The following DGCR2 variants were observed in gnomAD, a reference collection of about 807,000 sequenced individuals.
DGCR2 encodes DiGeorge syndrome critical region gene 2, also known as integral membrane protein DGCR2/IDD.
DGCR2 carries 24 observed loss-of-function variants against 51.6 expected under a neutral mutation model. That is an observed-to-expected ratio of 0.47 (90% CI 0.34 to 0.65). DGCR2 has a LOEUF of 0.65. Ranked by LOEUF, DGCR2 falls within the 30% of genes least tolerant of loss-of-function variation. DGCR2 has a pLI of 0.01. For missense variants in DGCR2, 765 were observed against 772.1 expected, an observed-to-expected ratio of 0.99 and a Z score of 0.11; for synonymous variants, 340 against 315.4, an observed-to-expected ratio of 1.08 and a Z score of -0.82.
intron 1 of DGCR2, 67 bp downstream of exon 1, chr22:19,122,061 A>T (rs2083439890): frequency 1.7e-6 from 2 of 1,201,474 alleles, no homozygotes; most frequent in South Asian, 2.1e-5. Flanking sequence ...GGGTGAAAGG[A>T]GGTCCCGGGG....
intron 1 of DGCR2, among the ~76,000 whole-genome samples, chr22:19,117,803 G>A (rs1430625554): frequency 6.6e-6 from 1 of 152,116 alleles, no homozygotes. Context: ...AAATTCATTA[G>A]CTAGTGAAGG....
In DGCR2 at chr22:19,038,561, C is replaced by T; in HGVS notation, c.*304G>A. On this transcript the variant is annotated 3_prime_UTR_variant, in exon 10 of 10. Transcript: ENST00000263196. ...TGGCCATGGCCCACAGTACCTTCTT[C>T]ATTCCCTGCCTCTAACATGTGCGGT... is the stretch of plus-strand genomic sequence containing the variant. 2.3e-6 allele frequency: 1 copy of T among 433,170 alleles called. No homozygotes were observed. The allele number at this position is 433,170 out of a possible 1,614,324, so 26.8% of individuals were successfully genotyped here.
At chr22:19,102,396 G>A (rs1473647474) in intron 1 of DGCR2, among the ~76,000 whole-genome samples, 3 of 152,020 alleles carry the variant, frequency 2.0e-5, no homozygotes, top group African/African-American at 2.4e-5. Context: ...TGAATTAACC[G>A]TACACTTAAA....
chr22:19,111,339 G>A (rs377140192), intron 1 of DGCR2, among the ~76,000 whole-genome samples: 6 of 152,218 alleles, frequency 3.9e-5, no homozygotes, highest in Non-Finnish European at 5.9e-5. Flanking sequence ...AAAGGTGCCC[G>A]GTTCTTAGGC....
At chr22:19,041,034 C>T (rs967424802) in intron 9 of DGCR2, 24 bp downstream of exon 9, 7 of 1,555,200 alleles carry the variant, frequency 4.5e-6, no homozygotes, top group Non-Finnish European at 6.1e-6. Context: ...ACAAGGTGTT[C>T]CCTCTCCCTG....
chr22:19,110,448 G>C (rs2083302421), intron 1 of DGCR2, among the ~76,000 whole-genome samples: 2 of 152,108 alleles, frequency 1.3e-5, no homozygotes, highest in Non-Finnish European at 2.9e-5. Context: ...AAAGCAGGGT[G>C]GGTGGGAAGG....
Position 19,103,739 on chromosome 22 carries a change from T to TAAAA in DGCR2, c.80-14253_80-14250dup, listed in dbSNP as rs34046451. On this transcript the variant is annotated intron_variant, in intron 1 of 9. Coordinates refer to ENST00000263196, the MANE Select transcript of DGCR2 (RefSeq NM_005137.3). The stretch of plus-strand genomic sequence containing the variant: ...CACCGTGCCCGGCCAAAAAAATTCT[T>TAAAA]AAAAAAAAAAAAAAAAAAAAAAAAG... 7.4e-4 allele frequency among the ~76,000 whole-genome samples: 58 copies of TAAAA among 78,702 alleles called. 1 individual carries two copies. The highest frequency in any genetic ancestry group is 3.0e-3 in the East Asian group (8 of 2,692). The allele number at this position is 78,702 out of a possible 152,430, so 51.6% of individuals were successfully genotyped here.
chr22:19,065,237 A>G (rs2082735351), intron 3 of DGCR2, 170 bp from the exon 4 acceptor site: 5 of 606,032 alleles, frequency 8.3e-6, no homozygotes, highest in East Asian at 2.8e-5. Flanking sequence ...AGAAATGCTC[A>G]AGTTTCTCTA....
rs777565407 is a variant in DGCR2, at chr22:19,048,442, G to A, written c.1004C>T (p.Pro335Leu). ...KECCKFMCLD[P>L]DGNSLFDSMA... is the part of the protein sequence containing the mutation. The stretch of plus-strand genomic sequence containing the variant: ...GGACGTCCTATCAAGAGTCTCACCT[G>A]GGTCCAGACACATGAACTTGCAGCA... The change falls in exon 7 of 10, where the codon CCA (proline) becomes CTA (leucine). Residue 335 changes from proline (P) to leucine (L), a missense_variant and splice_region_variant. Pro to Leu is a moderately conservative substitution (Grantham distance 98). This residue lies in a region of DGCR2 where 190 missense variants were observed against 265.2 expected (regional missense o/e 0.72). Coordinates refer to ENST00000263196, the MANE Select transcript of DGCR2 (RefSeq NM_005137.3). 1.9e-6 allele frequency: 3 copies of A among 1,614,044 alleles called. No individual in the cohort carries two copies. The highest frequency in any genetic ancestry group is 1.7e-6 in the Non-Finnish European group (2 of 1,180,036).
intron 2 of DGCR2, among the ~76,000 whole-genome samples, chr22:19,082,404 C>A (rs1284479164): frequency 4.6e-5 from 7 of 151,682 alleles, no homozygotes; most frequent in African/African-American, 1.7e-4. Context: ...TTTAATCTAG[C>A]AAATTCAGTC....
In DGCR2 at chr22:19,065,085, A is replaced by C. The variant is rs748853394; in HGVS notation, c.329-18T>G. ...TAGGAAACATAAAGGACAGAAGGGG[A>C]GTTGTCCCCCAAGTTAGGATCCAGC... On this transcript the variant is annotated intron_variant, in intron 3 of 9. Transcript: ENST00000263196. 1 of 1,609,642 alleles carries C rather than the reference A, an allele frequency of 6.2e-7. No individual in the cohort carries two copies. The highest frequency in any genetic ancestry group is 8.5e-7 in the Non-Finnish European group (1 of 1,176,984).
chr22:19,082,056 TTTTTTTTG>T (rs1569068915), intron 2 of DGCR2, among the ~76,000 whole-genome samples: 3 of 83,654 alleles, frequency 3.6e-5, no homozygotes, highest in East Asian at 3.1e-4. Flanking sequence ...TTTTTTGGGG[TTTTTTTTG>T]TTTTTTTTTT....
chr22:19,104,080 G>C (rs2083236023), intron 1 of DGCR2, among the ~76,000 whole-genome samples: 1 of 152,072 alleles, frequency 6.6e-6, no homozygotes. Flanking sequence ...TTAGCTGTCA[G>C]AGCAATGATG....
chr22:19,088,025 ATC>A (rs1319572480), intron 2 of DGCR2, among the ~76,000 whole-genome samples: 2 of 152,106 alleles, frequency 1.3e-5, no homozygotes, highest in Non-Finnish European at 2.9e-5. Flanking sequence ...TGACCAGACC[ATC>A]TCTGCTTCTT....
intron 2 of DGCR2, among the ~76,000 whole-genome samples, chr22:19,082,492 G>C (rs1431107738): frequency 6.6e-6 from 1 of 152,100 alleles, no homozygotes; most frequent in Admixed American, 6.6e-5. Context: ...TCATGCACCT[G>C]TAATCCCAGC....
At chr22:19,106,981 G>A (rs1232801584) in intron 1 of DGCR2, among the ~76,000 whole-genome samples, 2 of 151,848 alleles carry the variant, frequency 1.3e-5, no homozygotes, top group African/African-American at 4.8e-5. Flanking sequence ...CTGGTGCAGA[G>A]CCAAGGATGT....
Position 19,036,858 on chromosome 22 carries a change from C to T in DGCR2, c.*2007G>A, listed in dbSNP as rs2082374842. 6.5e-6 allele frequency: 1 copy of T among 152,710 alleles called. No individual in the cohort carries two copies. Among genetic ancestry groups the T allele is most frequent in the Non-Finnish European group, 1.5e-5 (1 of 68,460 alleles). The allele number at this position is 152,710 out of a possible 1,614,324, so 9.5% of individuals were successfully genotyped here. A position where few individuals can be genotyped will look rare whatever the true frequency, so the allele number is the denominator to read the frequency against. On this transcript the variant is annotated 3_prime_UTR_variant, in exon 10 of 10. Transcript: ENST00000263196. ...CTGCCCCCTACGTGTCTGACCGGCCCCTAATGTTCCTCTGGTCCCCAAAGG... is the reference window on the plus strand; with the variant it reads ...CTGCCCCCTACGTGTCTGACCGGCCTCTAATGTTCCTCTGGTCCCCAAAGG...
chr22:19,094,383 C>A (rs905726808), intron 1 of DGCR2, among the ~76,000 whole-genome samples: 2 of 152,214 alleles, frequency 1.3e-5, no homozygotes, highest in African/African-American at 2.4e-5. Flanking sequence ...CAAGATTGCA[C>A]CACTGCACTC....
In DGCR2 at chr22:19,075,218, G is replaced by T. The variant is rs1032142197; in HGVS notation, c.203-6993C>A. 4.6e-5 allele frequency among the ~76,000 whole-genome samples: 7 copies of T among 150,956 alleles called. 1 individual carries two copies. In the South Asian group the frequency reaches 8.3e-4, roughly 18 times the overall value. On this transcript the variant is annotated intron_variant, in intron 2 of 9. Transcript: ENST00000263196. ...TGAGGCAGGCAGATCACAAGGTCAGGAGATCGAGACCATCCTGGCTAACAC... is the reference window on the plus strand; with the variant it reads ...TGAGGCAGGCAGATCACAAGGTCAGTAGATCGAGACCATCCTGGCTAACAC...
Sources: gnomAD v4.1 joint callset for allele counts (sites outside exome capture counted in the v4.1 genomes callset) on GRCh38, gnomAD v4.1.1 for gene constraint, gnomAD v4.1.1 regional missense constraint, MANE v1.5 for transcripts, NCBI Gene and HGNC (gene_info 2026-07-23, HGNC 2026-07-21) for gene names.